Variants in BPTF observed in about 807,000 individuals in gnomAD.
BPTF encodes the protein bromodomain PHD finger transcription factor.
Under a neutral mutation model 292.5 loss-of-function variants are expected in BPTF, and 18 were observed. The ratio of observed to expected loss-of-function variants is 0.06; its 90% CI spans 0.04 to 0.09. The LOEUF is 0.09. BPTF is among the 10% of genes least tolerant of loss of function. The pLI is 1.00. For synonymous variants in BPTF, 1,225 were observed against 1,251.9 expected (o/e 0.98, Z 0.45); for missense variants, 2,726 against 3,498.7 (o/e 0.78, Z 5.57).
At chr17:67,916,747 C>G (rs2063021977) in intron 11 of BPTF, among the ~76,000 whole-genome samples, 1 of 119,490 alleles carries the variant, frequency 8.4e-6, no homozygotes, top group Admixed American at 1.1e-4. Context: ...GCCTGGGTGA[C>G]AGAGCAATAC....
At chr17:67,864,580 C>CA (rs2059286809) in intron 2 of BPTF, among the ~76,000 whole-genome samples, 1 of 149,558 alleles carries the variant, frequency 6.7e-6, no homozygotes, top group East Asian at 2.0e-4. Flanking sequence ...CAAAACAGAC[C>CA]AAAAAAACCC....
chr17:67,964,452 A>G, intron 25 of BPTF, 48 bp downstream of exon 25: 2 of 1,543,330 alleles, frequency 1.3e-6, no homozygotes, highest in Non-Finnish European at 1.8e-6. Context: ...CAGCCAGCAT[A>G]ATTTTGGAAG....
chr17:67,843,744 G>C (rs1160470345), intron 1 of BPTF, among the ~76,000 whole-genome samples: 1 of 135,550 alleles, frequency 7.4e-6, no homozygotes, highest in Non-Finnish European at 1.5e-5. Flanking sequence ...AAATTGTCTG[G>C]AGCAGTTGTC....
chr17:67,829,481 C>A (rs1050548168), intron 1 of BPTF, among the ~76,000 whole-genome samples: 1 of 151,260 alleles, frequency 6.6e-6, no homozygotes, highest in Admixed American at 6.6e-5. Flanking sequence ...CCCCACCCCC[C>A]GGATGTGACA....
Position 67,891,971 on chromosome 17 carries a change from G to A in BPTF, c.1992G>A (p.Leu664=). The A allele has an allele frequency of 6.2e-7, 1 of 1,611,460 alleles. No homozygotes were observed. Among genetic ancestry groups the A allele is most frequent in the Non-Finnish European group, 8.5e-7 (1 of 1,178,992 alleles). The change falls in exon 5 of 28, where the codon CTG becomes CTA. Residue 664 remains leucine, a synonymous_variant. Coordinates refer to ENST00000306378, the MANE Select transcript of BPTF (RefSeq NM_182641.4). ...LRNPDSKLSQ[L]KSQQVAAAAH... is the part of the protein sequence containing the mutation. ...ATCCAGATAGCAAACTTAGTCAGCT[G>A]AAGAGCCAGCAGGTGGCAGCCGCTG...
chr17:67,975,565 G>T (rs1354243437), intron 26 of BPTF: 3 of 484,088 alleles, frequency 6.2e-6, no homozygotes, highest in Non-Finnish European at 1.1e-5. Flanking sequence ...CAGCAACCCG[G>T]ATTTATATTT....
intron 16 of BPTF, 135 bp downstream of exon 16, chr17:67,928,736 G>A (rs1472618456): frequency 1.8e-5 from 21 of 1,187,822 alleles, no homozygotes; most frequent in East Asian, 2.6e-5. Context: ...AAGCTGTAAC[G>A]GTTGGTTTGT....
intron 1 of BPTF, among the ~76,000 whole-genome samples, chr17:67,853,322 C>T (rs930120210): frequency 6.6e-6 from 1 of 152,122 alleles, no homozygotes; most frequent in African/African-American, 2.4e-5. Flanking sequence ...TTCTTTTCCC[C>T]CAGCATTGGA....
intron 3 of BPTF, among the ~76,000 whole-genome samples, chr17:67,867,617 C>G (rs565910095): frequency 2.6e-4 from 39 of 152,184 alleles, no homozygotes; most frequent in East Asian, 3.9e-4. Flanking sequence ...TCTGGGTTGT[C>G]GGTTTCTCAG....
intron 18 of BPTF, among the ~76,000 whole-genome samples, chr17:67,935,812 G>A (rs952410069): frequency 2.6e-5 from 4 of 152,042 alleles, no homozygotes; most frequent in Non-Finnish European, 4.4e-5. Context: ...CCAAGATTGC[G>A]CCACTGCACT....
intron 18 of BPTF, 79 bp from the exon 19 acceptor site, chr17:67,940,360 A>G: frequency 1.6e-6 from 2 of 1,247,598 alleles, no homozygotes; most frequent in South Asian, 2.6e-5. Context: ...GAATACGTTC[A>G]TGTGAGGTGT....
At chr17:67,934,306 T>G (rs1047700278) in intron 18 of BPTF, among the ~76,000 whole-genome samples, 7 of 151,896 alleles carry the variant, frequency 4.6e-5, no homozygotes, top group African/African-American at 1.7e-4. Context: ...TCACCTGAGG[T>G]CAGGAGTTCG....
At chr17:67,885,896 G>A (rs752013306) in intron 4 of BPTF, among the ~76,000 whole-genome samples, 1 of 152,104 alleles carries the variant, frequency 6.6e-6, no homozygotes, top group Non-Finnish European at 1.5e-5. Flanking sequence ...CAGTGAGTTA[G>A]AGTTGGGTCC....
At chr17:67,959,518 G>C in intron 23 of BPTF, 23 bp from the exon 24 acceptor site, 1 of 1,498,680 alleles carries the variant, frequency 6.7e-7, no homozygotes, top group Non-Finnish European at 8.9e-7. Context: ...TGATAGTCTT[G>C]TATTGTCTTT....
chr17:67,840,111 T>C (rs1268024495), intron 1 of BPTF, among the ~76,000 whole-genome samples: 1 of 151,732 alleles, frequency 6.6e-6, no homozygotes, highest in African/African-American at 2.4e-5. Flanking sequence ...CTGATTTTTT[T>C]TTTTTTTTTT....
chr17:67,828,183 G>A (rs1353402847), intron 1 of BPTF, among the ~76,000 whole-genome samples: 1 of 152,076 alleles, frequency 6.6e-6, no homozygotes, highest in African/African-American at 2.4e-5. Context: ...GCCTACCTCG[G>A]CCTCCCAAAA....
At chr17:67,947,321 A>G (rs573157381) in intron 21 of BPTF, among the ~76,000 whole-genome samples, 3 of 152,284 alleles carry the variant, frequency 2.0e-5, no homozygotes, top group South Asian at 2.1e-4. Context: ...GAGACGAGGG[A>G]CAGTTCTTTA....
chr17:67,914,961 T>C (rs1426742589), intron 11 of BPTF, among the ~76,000 whole-genome samples: 1 of 152,210 alleles, frequency 6.6e-6, no homozygotes, highest in Non-Finnish European at 1.5e-5. Flanking sequence ...TTCTGTCTAA[T>C]GGAGGCATGG....
At chr17:67,849,201 T>C (rs560438806) in intron 1 of BPTF, among the ~76,000 whole-genome samples, 2 of 152,328 alleles carry the variant, frequency 1.3e-5, no homozygotes, top group African/African-American at 4.8e-5. Context: ...TATAGATTAC[T>C]GAGCTTCACC....
Sources: allele counts gnomAD v4.1 joint callset (sites outside exome capture counted in the v4.1 genomes callset), GRCh38; gene constraint gnomAD v4.1.1; transcripts MANE v1.5; gene names NCBI Gene and HGNC (gene_info 2026-07-23, HGNC 2026-07-21).